Variants in CORO7 observed in about 807,000 individuals in gnomAD.
CORO7 encodes the protein coronin 7, also known as coronin-7.
Under a neutral mutation model 126.6 loss-of-function variants are expected in CORO7, and 107 were observed. That is an observed-to-expected ratio of 0.85 (90% CI 0.72 to 0.99). CORO7 has a LOEUF of 0.99. Among genes scored for constraint, CORO7 ranks in the 50% least tolerant of loss-of-function variants. CORO7 has a pLI of 0.00. For synonymous variants in CORO7, 603 were observed against 536.8 expected (o/e 1.12, Z -1.70); for missense variants, 1,314 against 1,255.8 (o/e 1.05, Z -0.70).
At chr16:4,394,160 TGGTGGCCGGACAC>T (rs552074215) in intron 7 of CORO7, among the ~76,000 whole-genome samples, 302 of 151,486 alleles carry the variant, frequency 2.0e-3, no homozygotes, top group Admixed American at 3.6e-3. Flanking sequence ...AACTCCCTAA[TGGTGGCCGGACAC>T]GGTGGCTCAG....
chr16:4,412,882 A>G (rs1293323405), intron 2 of CORO7: 5 of 220,100 alleles, frequency 2.3e-5, no homozygotes, highest in Non-Finnish European at 4.5e-5. Context: ...AACATTATCC[A>G]TTTTTTGCTT....
At chr16:4,374,086 CGTGTGTGTGT>C (rs112578905) in intron 9 of CORO7, among the ~76,000 whole-genome samples, 1 of 148,702 alleles carries the variant, frequency 6.7e-6, no homozygotes, top group Non-Finnish European at 1.5e-5. Flanking sequence ...GGAGGGTGCA[CGTGTGTGTGT>C]GTGTGTGTGT....
Position 4,364,627 on chromosome 16 carries a change from G to T in CORO7, c.1107C>A (p.Pro369=). ...DTAGCVPATD[P]HSWWAGDNQQ... ...GGTTGTCCCCAGCCCACCAGCTATG[G>T]GGGTCGGTGGCAGGCACACAGCCGG... The change falls in exon 13 of 28, where the codon CCC becomes CCA. Residue 369 remains proline (P), a synonymous_variant. Transcript: ENST00000251166. 6.4e-7 allele frequency: 1 copy of T among 1,571,790 alleles called. No individual in the cohort carries two copies. The highest frequency in any genetic ancestry group is 2.3e-5 in the East Asian group (1 of 43,044).
In CORO7 at chr16:4,366,370, A is replaced by C. The variant is rs192424962; in HGVS notation, c.786-825T>G. On this transcript the variant is annotated intron_variant, in intron 9 of 27. Transcript: ENST00000251166. ...AACTGCCTGTCACTGGCCGGGCTTT[A>C]TGCCTCCCTCCCGGGGCCCCTCAGA... 2.6e-3 allele frequency among the ~76,000 whole-genome samples: 396 copies of C among 151,806 alleles called. 3 individuals are homozygous for C. Among genetic ancestry groups the C allele is most frequent in the Non-Finnish European group, 4.5e-3 (306 of 67,894 alleles).
chr16:4,357,141 C>T (rs780269337), intron 26 of CORO7, 27 bp downstream of exon 26: 5 of 1,613,224 alleles, frequency 3.1e-6, no homozygotes, highest in East Asian at 2.2e-5. Flanking sequence ...CTGTCACCTC[C>T]GCACAGCTGC....
chr16:4,369,432 G>A (rs982609620), intron 9 of CORO7, among the ~76,000 whole-genome samples: 1 of 152,214 alleles, frequency 6.6e-6, no homozygotes, highest in African/African-American at 2.4e-5. Flanking sequence ...ATCTGGGCCT[G>A]CCACTGGGAA....
At chr16:4,402,917 C>G (rs866181086) in intron 6 of CORO7, among the ~76,000 whole-genome samples, 1 of 151,952 alleles carries the variant, frequency 6.6e-6, no homozygotes, top group Middle Eastern at 3.2e-3. Flanking sequence ...TGAGAGGGAG[C>G]AGGAGGGGGC....
rs2056412975 is a variant in CORO7 at position 4,416,391 on chromosome 16, C to A, written c.60+68G>T. On this transcript the variant is annotated intron_variant, in intron 1 of 27. Coordinates refer to ENST00000251166, the MANE Select transcript of CORO7 (RefSeq NM_024535.5). Reference sequence around the variant, plus strand: ...GCCCTGGAGGGCACCCCTGTGGGGTCCGGGCAGGGGGAGGGGCAGCCGGAC... The same window carrying A: ...GCCCTGGAGGGCACCCCTGTGGGGTACGGGCAGGGGGAGGGGCAGCCGGAC... The A allele has an allele frequency of 2.0e-6, 3 of 1,471,356 alleles. No homozygotes were observed. The East Asian group carries it at 8.3e-5, about 40-fold the overall frequency. 91.1% of individuals were successfully genotyped at this position (1,471,356 alleles called of 1,614,324 possible). A position where few individuals can be genotyped will look rare whatever the true frequency, so the allele number is the denominator to read the frequency against.
chr16:4,388,070 T>A lies in CORO7; in HGVS notation c.703-2A>T. On this transcript the variant is annotated splice_acceptor_variant, in intron 8 of 27. Transcript: ENST00000251166. LOFTEE classifies it high-confidence loss of function. ...CAGCTTCACTTCGCGCTCACGCATC[T>A]GCAGGGAGGGCGAGAGAGGGGCTCA... The A allele has an allele frequency of 6.2e-7, 1 of 1,611,602 alleles. No individual in the cohort carries two copies. Among genetic ancestry groups the A allele is most frequent in the Non-Finnish European group, 8.5e-7 (1 of 1,179,292 alleles).
In CORO7 at chr16:4,359,481, T is replaced by C. The variant is rs757855791; in HGVS notation, c.2249A>G (p.Lys750Arg). Reference protein sequence around the residue: ...PDTGLVLLTGKGDTRVFLYEL... With the variant: ...PDTGLVLLTGRGDTRVFLYEL... ...ATCCCGCCCTCCAGCCCAGCCCACC[T>C]TGCCGGTCAGGAGCACCAGGCCAGT... Residue 750 changes from lysine (K) to arginine (R), a missense_variant and splice_region_variant, in exon 22 of 28, where the codon AAG becomes AGG. Physicochemically the swap from Lys to Arg is conservative, Grantham distance 26 (BLOSUM62 2). Transcript: ENST00000251166. 1.9e-6 allele frequency: 3 copies of C among 1,613,466 alleles called. No individual in the cohort carries two copies. The South Asian group carries it at 3.3e-5, about 18-fold the overall frequency.
intron 16 of CORO7, 58 bp from the exon 17 acceptor site, chr16:4,361,527 C>T (rs987610351): frequency 5.1e-6 from 8 of 1,583,326 alleles, no homozygotes; most frequent in Non-Finnish European, 6.9e-6. Flanking sequence ...AGCCAGTCCC[C>T]AGGGGCTGCG....
Position 4,362,641 on chromosome 16 carries a change from G to C in CORO7, c.1373C>G (p.Pro458Arg), listed in dbSNP as rs766285498. The change falls in exon 15 of 28, where the codon CCC (proline) becomes CGC (arginine). Residue 458 changes from proline (P) to arginine (R), a missense_variant. Transcript: ENST00000251166. The surrounding 1 kb of genome is among the most constrained non-coding windows in gnomAD (Gnocchi z 5.3). ...CAGGCTCTGCAGCGACCTCAAACTG[G>C]GGCTGGTCCCGATGCCACTGGTGCT... ...LSSTSGIGTS[P>R]SLRSLQSLLG... 6.4e-7 allele frequency: 1 copy of C among 1,560,338 alleles called. No homozygotes were observed. The highest frequency in any genetic ancestry group is 8.7e-7 in the Non-Finnish European group (1 of 1,155,710).
intron 16 of CORO7, chr16:4,361,739 C>T: frequency 2.5e-6 from 2 of 805,034 alleles, no homozygotes; most frequent in Non-Finnish European, 4.2e-6. Context: ...ATCCCAGCTC[C>T]ACCACTTACA....
intron 9 of CORO7, among the ~76,000 whole-genome samples, chr16:4,374,912 G>A (rs112415855): frequency 2.0e-5 from 3 of 152,214 alleles, no homozygotes; most frequent in African/African-American, 7.2e-5. Flanking sequence ...GCAGGTTAGG[G>A]CCTTACTAGA....
intron 9 of CORO7, among the ~76,000 whole-genome samples, chr16:4,386,416 TGC>T (rs1417310974): frequency 6.6e-6 from 1 of 152,144 alleles, no homozygotes; most frequent in Non-Finnish European, 1.5e-5. Flanking sequence ...AAGTGACTGG[TGC>T]CAGGTCCCTT....
chr16:4,392,577 G>A (rs1479801737), intron 7 of CORO7, among the ~76,000 whole-genome samples: 2 of 152,198 alleles, frequency 1.3e-5, no homozygotes, highest in Admixed American at 6.5e-5. Flanking sequence ...GCTCAGGTGG[G>A]GTGGGACCCA....
chr16:4,367,694 C>T lies in CORO7; in HGVS notation c.786-2149G>A, dbSNP rs929569414. Among the ~76,000 whole-genome samples, 8 of 152,114 alleles carry T rather than the reference C, an allele frequency of 5.3e-5. 1 individual carries two copies. Among genetic ancestry groups the T allele is most frequent in the African/African-American group, 1.9e-4 (8 of 41,432 alleles). On this transcript the variant is annotated intron_variant, in intron 9 of 27. Transcript: ENST00000251166. The stretch of plus-strand genomic sequence containing the variant: ...GAAGAGAGTTTCAGAGAGAACACAA[C>T]CTGTGCAAAGGTCCTGTGGCAGGTG...
intron 9 of CORO7, among the ~76,000 whole-genome samples, chr16:4,375,226 T>C (rs1433834688): frequency 6.6e-6 from 1 of 152,126 alleles, no homozygotes; most frequent in Non-Finnish European, 1.5e-5. Flanking sequence ...CCCACGGTGC[T>C]ACTGAAGGCA....
At chr16:4,398,665 GAA>G (rs1215312750) in intron 6 of CORO7, among the ~76,000 whole-genome samples, 2 of 116,428 alleles carry the variant, frequency 1.7e-5, no homozygotes, top group Admixed American at 9.4e-5. Context: ...GACTCCATCT[GAA>G]AAAAAAAAAA....
Sources: allele counts gnomAD v4.1 joint callset (sites outside exome capture counted in the v4.1 genomes callset), GRCh38; gene constraint gnomAD v4.1.1; non-coding constraint Gnocchi (gnomAD v3.1); transcripts MANE v1.5; gene names NCBI Gene and HGNC (gene_info 2026-07-23, HGNC 2026-07-21).